The following DENND2A variants were observed in gnomAD, a reference collection of about 807,000 sequenced individuals.
DENND2A encodes the protein DENN domain-containing protein 2A.
Under a neutral mutation model 105.3 loss-of-function variants are expected in DENND2A, and 53 were observed. The observed-to-expected ratio is 0.50, with a 90% CI of 0.40 to 0.63. The LOEUF is 0.63. Ranked by LOEUF, DENND2A falls within the 30% of genes least tolerant of loss-of-function variation. The pLI, the probability that DENND2A is intolerant of heterozygous loss-of-function variation, is 0.00. For missense variants in DENND2A, 1,138 were observed against 1,279.6 expected (o/e 0.89, Z 1.69); for synonymous variants, 522 against 508.4 (o/e 1.03, Z -0.36).
chr7:140,551,299 CAAAAAAAAAA>C (rs529992901), intron 12 of DENND2A, among the ~76,000 whole-genome samples: 4 of 71,742 alleles, frequency 5.6e-5, no homozygotes, highest in African/African-American at 2.1e-4. Context: ...GACTCCATCT[CAAAAAAAAAA>C]AAAAAAAAAA....
chr7:140,636,801 C>T (rs1208970949), intron 1 of DENND2A, among the ~76,000 whole-genome samples: 1 of 151,664 alleles, frequency 6.6e-6, no homozygotes, highest in Non-Finnish European at 1.5e-5. Flanking sequence ...GTGATCCTCC[C>T]ACTTCAGTCT....
Position 140,533,066 on chromosome 7 carries a change from A to G in DENND2A, c.2328-5571T>C, listed in dbSNP as rs542260057. On this transcript the variant is annotated intron_variant, in intron 14 of 19. Coordinates refer to ENST00000496613, the MANE Select transcript of DENND2A (RefSeq NM_015689.5). ...GAGTGCGGTGGCACGATCTCTGCCCATTGCAACCTCTGCCTCCCAGGTTCA... is the reference window on the plus strand; with the variant it reads ...GAGTGCGGTGGCACGATCTCTGCCCGTTGCAACCTCTGCCTCCCAGGTTCA... Among the ~76,000 whole-genome samples, 11 of 133,144 alleles carry G rather than the reference A, an allele frequency of 8.3e-5. No homozygotes were observed. The South Asian group carries it at 2.6e-3, about 31-fold the overall frequency. 87.3% of individuals were successfully genotyped at this position (133,144 alleles called of 152,430 possible). A position where few individuals can be genotyped will look rare whatever the true frequency, so the allele number is the denominator to read the frequency against.
chr7:140,521,868 C>A lies in DENND2A; in HGVS notation c.2898G>T (p.Arg966=), dbSNP rs1212220136. The A allele has an allele frequency of 6.2e-7, 1 of 1,614,010 alleles. No homozygotes were observed. The highest frequency in any genetic ancestry group is 8.5e-7 in the Non-Finnish European group (1 of 1,180,004). The stretch of plus-strand genomic sequence containing the variant: ...GATGCCCCTCACCTTTGGCATCCTG[C>A]CGGCGCAGCTCCCGCTCCTGGATGA... ...RGFIQERELR[R]QDAKGLFEVR... is the part of the protein sequence containing the mutation. The change falls in exon 18 of 20, where the codon CGG becomes CGT. Residue 966 remains arginine, a synonymous_variant. Transcript: ENST00000496613.
chr7:140,590,138 C>A (rs1036139646), intron 3 of DENND2A, among the ~76,000 whole-genome samples: 2 of 152,080 alleles, frequency 1.3e-5, no homozygotes, highest in Non-Finnish European at 2.9e-5. Flanking sequence ...GTCTGTAATT[C>A]CAGCACTTTG....
rs77539544 is a variant in DENND2A, at chr7:140,551,828, C to A, written c.2037+3808G>T. The stretch of plus-strand genomic sequence containing the variant: ...TAGAAATAGCTCAAGTTCCTGGGAT[C>A]AGTTAGCTAAAGCTCTGGTTCTGGT... On this transcript the variant is annotated intron_variant, in intron 12 of 19. Transcript: ENST00000496613. Among the ~76,000 whole-genome samples the A allele has an allele frequency of 7.1e-3, 1,077 of 152,328 alleles. 12 individuals carry two copies. The highest frequency in any genetic ancestry group is 0.024 in the African/African-American group (1,007 of 41,570).
At chr7:140,582,328 GCCAGGTAGGAC>G (rs1488223973) in intron 5 of DENND2A, among the ~76,000 whole-genome samples, 1 of 152,142 alleles carries the variant, frequency 6.6e-6, no homozygotes, top group Non-Finnish European at 1.5e-5. Flanking sequence ...GAAGTGGGGA[GCCAGGTAGGAC>G]CCAGAGGGGA....
Position 140,523,227 on chromosome 7 carries a change from G to T in DENND2A, c.2665+80C>A. The T allele has an allele frequency of 1.5e-6, 2 of 1,306,058 alleles. No individual in the cohort carries two copies. Among genetic ancestry groups the T allele is most frequent in the Non-Finnish European group, 2.2e-6 (2 of 901,760 alleles). The allele number at this position is 1,306,058 out of a possible 1,614,324, so 80.9% of individuals were successfully genotyped here. A position where few individuals can be genotyped will look rare whatever the true frequency, so the allele number is the denominator to read the frequency against. On this transcript the variant is annotated intron_variant, in intron 17 of 19. Transcript: ENST00000496613. This position sits in a 1 kb window ranked among gnomAD's most constrained non-coding sequence, Gnocchi z 4.5. Reference sequence around the variant, plus strand: ...GTCTCCCTTGCCCATATTCCTACTTGGCCCTTGGCCACTGCCCATTTGTTC... The same window carrying T: ...GTCTCCCTTGCCCATATTCCTACTTTGCCCTTGGCCACTGCCCATTTGTTC...
rs1416216441 is a variant in DENND2A, at chr7:140,523,423, A to G, written c.2549T>C (p.Met850Thr). The change falls in exon 17 of 20, where the codon ATG (methionine) becomes ACG (threonine). Residue 850 changes from methionine (M) to threonine (T), a missense_variant and splice_region_variant. This residue lies in a region of DENND2A where 627 missense variants were observed against 779.8 expected (regional missense o/e 0.80). Coordinates refer to ENST00000496613, the MANE Select transcript of DENND2A (RefSeq NM_015689.5). The surrounding 1 kb of genome is among the most constrained non-coding windows in gnomAD (Gnocchi z 4.5). ...GGGCAGGATGGAGTCCTCATCGTCC[A>G]TCTGGAAAGCAGAGGTAGCAGGTGG... ...DLVNSRFLRQ[M>T]DDEDSILPRK... The G allele has an allele frequency of 2.5e-6, 4 of 1,614,098 alleles. No individual in the cohort carries two copies. The highest frequency in any genetic ancestry group is 3.3e-5 in the Admixed American group (2 of 60,012).
chr7:140,582,101 A>T (rs1798570042), intron 5 of DENND2A, among the ~76,000 whole-genome samples: 1 of 151,874 alleles, frequency 6.6e-6, no homozygotes, highest in Non-Finnish European at 1.5e-5. Flanking sequence ...AGTAGCTGGG[A>T]TTACAGGCAC....
chr7:140,621,073 G>C (rs115287544), intron 1 of DENND2A, among the ~76,000 whole-genome samples: 148 of 152,322 alleles, frequency 9.7e-4, no homozygotes, highest in African/African-American at 3.3e-3. Context: ...TCTGTCGCCA[G>C]GCTGGAGTAC....
At chr7:140,561,498 CTTTTTTTTT>C (rs536896244) in intron 9 of DENND2A, among the ~76,000 whole-genome samples, 16 of 102,504 alleles carry the variant, frequency 1.6e-4, no homozygotes, top group African/African-American at 5.8e-4. Context: ...TTTCTGTTGT[CTTTTTTTTT>C]TTTTTTTTTT....
At chr7:140,565,344 G>A (rs576157493) in intron 9 of DENND2A, among the ~76,000 whole-genome samples, 138 of 151,934 alleles carry the variant, frequency 9.1e-4, no homozygotes, top group Middle Eastern at 3.4e-3. Flanking sequence ...GGGGTGGGGG[G>A]AGATGGTTAT....
chr7:140,520,676 A>G (rs1795822861), intron 18 of DENND2A, among the ~76,000 whole-genome samples: 1 of 151,034 alleles, frequency 6.6e-6, no homozygotes, highest in Non-Finnish European at 1.5e-5. Flanking sequence ...CTCCTGCCTC[A>G]GCCTCCTGAG....
At chr7:140,638,834 C>G (rs1461309853) in intron 1 of DENND2A, among the ~76,000 whole-genome samples, 2 of 152,226 alleles carry the variant, frequency 1.3e-5, no homozygotes, top group Non-Finnish European at 2.9e-5. Context: ...CGGCTCCTCT[C>G]TGGGCTGCCC....
At chr7:140,599,118 C>T (rs1245958941) in intron 3 of DENND2A, among the ~76,000 whole-genome samples, 1 of 152,004 alleles carries the variant, frequency 6.6e-6, no homozygotes, top group Non-Finnish European at 1.5e-5. Flanking sequence ...AGGCAGATCA[C>T]TTGAGGTCAG....
At chr7:140,548,621 AT>A (rs552050748) in intron 12 of DENND2A, among the ~76,000 whole-genome samples, 1 of 150,028 alleles carries the variant, frequency 6.7e-6, no homozygotes, top group African/African-American at 2.5e-5. Context: ...TTTATTTTTT[AT>A]TTTTTTTTGA....
chr7:140,618,488 G>A (rs1050979328), intron 1 of DENND2A, among the ~76,000 whole-genome samples: 4 of 152,146 alleles, frequency 2.6e-5, no homozygotes, highest in Non-Finnish European at 5.9e-5. Context: ...TTGTGATGAA[G>A]AAATTGAGCC....
At chr7:140,552,862 C>T (rs34651797) in intron 12 of DENND2A, among the ~76,000 whole-genome samples, 12,332 of 152,204 alleles carry the variant, frequency 0.081, 739 homozygotes, top group Middle Eastern at 0.17. Context: ...AACAGATTTA[C>T]AGAGAAGTAC....
intron 6 of DENND2A, among the ~76,000 whole-genome samples, chr7:140,571,509 T>G (rs1230806235): frequency 6.6e-6 from 1 of 152,126 alleles, no homozygotes; most frequent in Non-Finnish European, 1.5e-5. Context: ...TCTGGCCCTC[T>G]TTGCTTCTAG....
Sources: gnomAD v4.1 joint callset for allele counts (sites outside exome capture counted in the v4.1 genomes callset) on GRCh38, gnomAD v4.1.1 for gene constraint, gnomAD v4.1.1 regional missense constraint, Gnocchi (gnomAD v3.1) non-coding constraint, MANE v1.5 for transcripts, NCBI Gene and HGNC (gene_info 2026-07-23, HGNC 2026-07-21) for gene names.